Variants in COL11A1 observed in about 807,000 individuals in gnomAD.
COL11A1 encodes collagen type XI alpha 1 chain.
Under a neutral mutation model 265.2 loss-of-function variants are expected in COL11A1, and 74 were observed. The ratio of observed to expected loss-of-function variants is 0.28; its 90% CI spans 0.23 to 0.34. COL11A1 has a LOEUF of 0.34. Ranked by LOEUF, COL11A1 falls within the 10% of genes least tolerant of loss-of-function variation. The pLI is 1.00. For missense variants in COL11A1, 2,165 were observed against 2,263.6 expected, an observed-to-expected ratio of 0.96 and a Z score of 0.88; for synonymous variants, 816 against 727.6, an observed-to-expected ratio of 1.12 and a Z score of -1.96.
chr1:102,888,160 A>G (rs1651244976), intron 62 of COL11A1, among the ~76,000 whole-genome samples: 2 of 152,316 alleles, frequency 1.3e-5, no homozygotes, highest in Non-Finnish European at 2.9e-5. Flanking sequence ...AGAACATTTT[A>G]GTATTAATAA....
At chr1:103,083,218 G>A (rs537431028) in intron 1 of COL11A1, among the ~76,000 whole-genome samples, 1 of 131,836 alleles carries the variant, frequency 7.6e-6, no homozygotes, top group Admixed American at 8.6e-5. Context: ...AACACAGAAG[G>A]GGTGTCTGTG....
Position 102,898,718 on chromosome 1 carries a change from C to G in COL11A1, c.4196G>C (p.Gly1399Ala). The G allele has an allele frequency of 6.2e-7, 1 of 1,613,016 alleles. No individual in the cohort carries two copies. Among genetic ancestry groups the G allele is most frequent in the South Asian group, 1.1e-5 (1 of 91,060 alleles). The change falls in exon 56 of 67, where the codon GGA (glycine) becomes GCA (alanine). Residue 1399 changes from glycine (G) to alanine (A), a missense_variant. Physicochemically the swap from Gly to Ala is moderately conservative, Grantham distance 60. Coordinates refer to ENST00000370096, the MANE Select transcript of COL11A1 (RefSeq NM_001854.4). ...TTCTGGACCAGGCTTTCCTGCAGGTCCCTGAGGACCGACTGGGCCGGTTTT... is the reference window on the plus strand; with the variant it reads ...TTCTGGACCAGGCTTTCCTGCAGGTGCCTGAGGACCGACTGGGCCGGTTTT... Reference protein sequence around the residue: ...PGKTGPVGPQGPAGKPGPEGL... With the variant: ...PGKTGPVGPQAPAGKPGPEGL...
chr1:103,108,104 G>GA lies in COL11A1; in HGVS notation c.74_75insT (p.Phe26LeufsTer6). 2.5e-6 allele frequency: 4 copies of GA among 1,613,842 alleles called. No homozygotes were observed. Among genetic ancestry groups the GA allele is most frequent in the Non-Finnish European group, 3.4e-6 (4 of 1,179,978 alleles). ...TGACCTCTCTAGCTTGGAAGAGGAA[G>GA]GTCAATGCGAGGGTTGTTACGGTGA... On this transcript the variant is annotated frameshift_variant, in exon 1 of 67. Coordinates refer to ENST00000370096, the MANE Select transcript of COL11A1 (RefSeq NM_001854.4). LOFTEE classifies it high-confidence loss of function.
In COL11A1 at chr1:102,997,165, A is replaced by G. The variant is rs777592785; in HGVS notation, c.2197-41T>C. On this transcript the variant is annotated intron_variant, in intron 25 of 66. Transcript: ENST00000370096. Reference sequence around the variant, plus strand: ...ACATACACTGATAAGATGTAATATAAACATAGTTGATAATACTACGAAAGT... The same window carrying G: ...ACATACACTGATAAGATGTAATATAGACATAGTTGATAATACTACGAAAGT... The G allele has an allele frequency of 2.0e-6, 3 of 1,478,162 alleles. No individual in the cohort carries two copies. The Admixed American group carries it at 5.0e-5, about 25-fold the overall frequency. The allele number at this position is 1,478,162 out of a possible 1,614,324, so 91.6% of individuals were successfully genotyped here. A position where few individuals can be genotyped will look rare whatever the true frequency, so the allele number is the denominator to read the frequency against.
intron 30 of COL11A1, among the ~76,000 whole-genome samples, chr1:102,987,103 T>C (rs1663641145): frequency 6.6e-6 from 1 of 151,940 alleles, no homozygotes; most frequent in African/African-American, 2.4e-5. Flanking sequence ...ACTCTAAGAG[T>C]AGCTGATTCC....
intron 44 of COL11A1, among the ~76,000 whole-genome samples, chr1:102,935,452 T>C (rs77998383): frequency 0.019 from 2,940 of 152,278 alleles, 115 homozygotes; most frequent in African/African-American, 0.067. Flanking sequence ...TTTAATGAGA[T>C]AAATATGATT....
At chr1:103,053,577 T>C (rs1230274381) in intron 4 of COL11A1, among the ~76,000 whole-genome samples, 2 of 152,138 alleles carry the variant, frequency 1.3e-5, no homozygotes, top group Non-Finnish European at 2.9e-5. Context: ...TGTGCAGCAA[T>C]AAAGAATGTA....
Position 103,031,138 on chromosome 1 carries a change from G to A in COL11A1, c.758C>T (p.Ala253Val). 1.2e-6 allele frequency: 2 copies of A among 1,613,254 alleles called. No individual in the cohort carries two copies. The highest frequency in any genetic ancestry group is 1.7e-6 in the Non-Finnish European group (2 of 1,179,612). Residue 253 changes from alanine (A) to valine (V), a missense_variant, in exon 5 of 67, where the codon GCT becomes GTT. Transcript: ENST00000370096. ...CACCTCATCTATCTGAGGTTCCTGA[G>A]CTTGAGCAGCCTTGGGTGCTGAAGA... ...CDSSAPKAAQ[A>V]QEPQIDEYAP...
intron 54 of COL11A1, among the ~76,000 whole-genome samples, chr1:102,907,953 C>A (rs1654187461): frequency 6.6e-6 from 1 of 152,004 alleles, no homozygotes; most frequent in Non-Finnish European, 1.5e-5. Context: ...AGAAAAAGTT[C>A]ATGTTAGATT....
chr1:102,977,744 C>G (rs1033230972), intron 35 of COL11A1, among the ~76,000 whole-genome samples: 3 of 152,028 alleles, frequency 2.0e-5, no homozygotes, highest in African/African-American at 7.2e-5. Context: ...ACAGGATAGA[C>G]TTAATTTGGG....
chr1:103,040,811 A>T (rs1222826277), intron 4 of COL11A1, among the ~76,000 whole-genome samples: 1 of 151,664 alleles, frequency 6.6e-6, no homozygotes, highest in Non-Finnish European at 1.5e-5. Context: ...TTTAACTTTT[A>T]TCATACATTT....
At chr1:103,060,464 T>C (rs1220803095) in intron 4 of COL11A1, among the ~76,000 whole-genome samples, 1 of 152,148 alleles carries the variant, frequency 6.6e-6, no homozygotes, top group Non-Finnish European at 1.5e-5. Flanking sequence ...TATTAATTGA[T>C]CTAAGGTATG....
intron 30 of COL11A1, 128 bp from the exon 31 acceptor site, chr1:102,984,319 G>T: frequency 1.6e-6 from 1 of 616,554 alleles, no homozygotes. Context: ...GCAGATTTTT[G>T]TCATTATTTA....
chr1:102,912,268 A>C (rs1654779028), intron 53 of COL11A1, 56 bp from the exon 54 acceptor site: 1 of 1,437,130 alleles, frequency 7.0e-7, no homozygotes, highest in Admixed American at 2.1e-5. Flanking sequence ...TGTGGCCCAC[A>C]TAAATTTTCA....
At chr1:103,084,595 GA>G (rs34675170) in intron 1 of COL11A1, among the ~76,000 whole-genome samples, 82,693 of 135,796 alleles carry the variant, frequency 0.61, 24,346 homozygotes, top group East Asian at 0.89. Context: ...ATGCCATTTA[GA>G]AAAAAAAAAA....
chr1:102,938,887 A>C (rs1478636944), intron 44 of COL11A1, 148 bp downstream of exon 44: 2 of 667,180 alleles, frequency 3.0e-6, no homozygotes, highest in Non-Finnish European at 5.2e-6. Flanking sequence ...ATATAAAATT[A>C]TAGAATGATA....
Position 102,877,066 on chromosome 1 carries a change from C to G in COL11A1, c.*953G>C, listed in dbSNP as rs886044970. The G allele has an allele frequency of 6.6e-6, 1 of 152,364 alleles. No homozygotes were observed. Among genetic ancestry groups the G allele is most frequent in the South Asian group, 2.1e-4 (1 of 4,822 alleles). The allele number at this position is 152,364 out of a possible 1,614,324, so 9.4% of individuals were successfully genotyped here. A position where few individuals can be genotyped will look rare whatever the true frequency, so the allele number is the denominator to read the frequency against. On this transcript the variant is annotated 3_prime_UTR_variant, in exon 67 of 67. Transcript: ENST00000370096. ...CTTAATTTCCATCTTTAATATTAAC[C>G]TGCATTATTGAAGCACACTGAAAAC... is the stretch of plus-strand genomic sequence containing the variant.
At chr1:102,882,517 C>T (rs544914190) in intron 64 of COL11A1, among the ~76,000 whole-genome samples, 1 of 152,136 alleles carries the variant, frequency 6.6e-6, no homozygotes, top group Non-Finnish European at 1.5e-5. Flanking sequence ...AACCATTAGT[C>T]ACACATAAAG....
chr1:103,007,683 C>T (rs7521389), intron 15 of COL11A1, among the ~76,000 whole-genome samples: 1,840 of 151,872 alleles, frequency 0.012, 45 homozygotes, highest in African/African-American at 0.042. Flanking sequence ...CATGGTGAAA[C>T]CCCAACTCTA....
Sources: allele counts gnomAD v4.1 joint callset (sites outside exome capture counted in the v4.1 genomes callset), GRCh38; gene constraint gnomAD v4.1.1; transcripts MANE v1.5; gene names NCBI Gene and HGNC (gene_info 2026-07-23, HGNC 2026-07-21).